The following MAST1 variants were observed in gnomAD, a reference collection of about 807,000 sequenced individuals.
MAST1 encodes the protein microtubule associated serine/threonine kinase 1, also known as microtubule-associated serine/threonine-protein kinase 1.
Under a neutral mutation model 124.6 loss-of-function variants are expected in MAST1, and 40 were observed. The ratio of observed to expected loss-of-function variants is 0.32; its 90% CI spans 0.25 to 0.42. The LOEUF is 0.42. Among genes scored for constraint, MAST1 ranks in the 10% least tolerant of loss-of-function variants. The pLI, the probability that MAST1 is intolerant of heterozygous loss-of-function variation, is 1.00. For synonymous variants in MAST1, 938 were observed against 939.4 expected (o/e 1.00, Z 0.03); for missense variants, 1,558 against 2,181.9 (o/e 0.71, Z 5.70).
At chr19:12,857,003 G>A (rs925482228) in intron 10 of MAST1, among the ~76,000 whole-genome samples, 1 of 152,128 alleles carries the variant, frequency 6.6e-6, no homozygotes, top group Non-Finnish European at 1.5e-5. Context: ...AGGTTTTGGA[G>A]TTTTTTCTCC....
Position 12,847,625 on chromosome 19 carries a change from CCCT to C in MAST1, c.509_511del (p.Ser170del). ...CTCTCCCCGCAGCCCCGGGCGCTCC[CCCT>C]CCTCCTACGACAACGAGATCGTGAT... On this transcript the variant is annotated inframe_deletion, in exon 6 of 26. Coordinates refer to ENST00000251472, the MANE Select transcript of MAST1 (RefSeq NM_014975.3). This position sits in a 1 kb window ranked among gnomAD's most constrained non-coding sequence, Gnocchi z 5.5. 1 of 1,614,166 alleles carries C rather than the reference CCCT, an allele frequency of 6.2e-7. No individual in the cohort carries two copies. The highest frequency in any genetic ancestry group is 8.5e-7 in the Non-Finnish European group (1 of 1,180,018).
chr19:12,874,896 G>T lies in MAST1; in HGVS notation c.*26G>T. 2 of 1,577,088 alleles carry T rather than the reference G, an allele frequency of 1.3e-6. No individual in the cohort carries two copies. The highest frequency in any genetic ancestry group is 2.3e-5 in the South Asian group (2 of 87,622). ...CCAAGGGGGTCATCGGCCCCGCGCT[G>T]TACAGCCTCCGTATACATATGTACA... On this transcript the variant is annotated 3_prime_UTR_variant, in exon 26 of 26. Coordinates refer to ENST00000251472, the MANE Select transcript of MAST1 (RefSeq NM_014975.3). This position sits in a 1 kb window ranked among gnomAD's most constrained non-coding sequence, Gnocchi z 6.6.
chr19:12,839,450 A>ATAT (rs1969800998), intron 1 of MAST1, among the ~76,000 whole-genome samples: 1 of 152,214 alleles, frequency 6.6e-6, no homozygotes, highest in Non-Finnish European at 1.5e-5. Flanking sequence ...GAATGTCACA[A>ATAT]CACACGATGT....
rs768196002 is a variant in MAST1, at chr19:12,865,345, C to G, written c.1668C>G (p.Pro556=). Residue 556 remains proline (P), a synonymous_variant, in exon 15 of 26, where the codon CCC becomes CCG. Coordinates refer to ENST00000251472, the MANE Select transcript of MAST1 (RefSeq NM_014975.3). The surrounding 1 kb of genome is among the most constrained non-coding windows in gnomAD (Gnocchi z 7.1). The part of the protein sequence containing the change: ...QVCGTPEYIA[P]EVILRQGYGK... Reference sequence around the variant, plus strand: ...GTGGGACCCCAGAGTACATCGCGCCCGAGGTCATCCTGCGTCAAGGCTACG... The same window carrying G: ...GTGGGACCCCAGAGTACATCGCGCCGGAGGTCATCCTGCGTCAAGGCTACG... 1.9e-6 allele frequency: 3 copies of G among 1,605,162 alleles called. No homozygotes were observed. The South Asian group carries it at 3.3e-5, about 18-fold the overall frequency.
At position 12,874,051 on chromosome 19, in the gene MAST1, C is replaced by T. The variant is rs765516069; in HGVS notation, c.3894C>T (p.Phe1298=). The part of the protein sequence containing the change: ...EVGHPDFRKD[F]HGELALHSLA... ...GCCACCCGGATTTCCGCAAGGACTT[C>T]CATGGCGAGCTGGCGCTGCATAGCC... is the stretch of plus-strand genomic sequence containing the variant. The change falls in exon 26 of 26, where the codon TTC becomes TTT. Residue 1298 remains phenylalanine, a synonymous_variant. Coordinates refer to ENST00000251472, the MANE Select transcript of MAST1 (RefSeq NM_014975.3). The surrounding 1 kb of genome is among the most constrained non-coding windows in gnomAD (Gnocchi z 6.6). 5.7e-5 allele frequency: 91 copies of T among 1,602,298 alleles called. No homozygotes were observed. The highest frequency in any genetic ancestry group is 7.2e-5 in the Non-Finnish European group (85 of 1,177,184).
In MAST1 at chr19:12,851,945, C is replaced by T; in HGVS notation, c.786C>T (p.Arg262=). Residue 262 remains arginine (R), a synonymous_variant, in exon 8 of 26, where the codon CGC becomes CGT. Coordinates refer to ENST00000251472, the MANE Select transcript of MAST1 (RefSeq NM_014975.3). ...LEKLLQDAYE[R]SESLEVAFVT... is the part of the protein sequence containing the mutation. ...GTCCCCTGCCACAGGCCTATGAACG[C>T]TCTGAGAGCTTGGAGGTGGCCTTCG... is the stretch of plus-strand genomic sequence containing the variant. 1 of 1,613,892 alleles carries T rather than the reference C, an allele frequency of 6.2e-7. No homozygotes were observed. The highest frequency in any genetic ancestry group is 8.5e-7 in the Non-Finnish European group (1 of 1,179,906).
intron 12 of MAST1, 33 bp downstream of exon 12, chr19:12,858,772 G>C: frequency 6.2e-7 from 1 of 1,610,898 alleles, no homozygotes; most frequent in South Asian, 1.1e-5. Context: ...AGGGAAGATG[G>C]GGCCGTGCTC....
In MAST1 at chr19:12,865,985, G is replaced by A. The variant is rs1448895866; in HGVS notation, c.1912G>A (p.Ala638Thr). ...TGGAATCCCTTCCGTCCCAGGCGGC[G>A]CTTTTGAGGTGAAGCAGCACAGTTT... ...NPLVRLGAGG[A>T]FEVKQHSFFR... is the part of the protein sequence containing the mutation. The change falls in exon 17 of 26, where the codon GCT (alanine) becomes ACT (threonine). Residue 638 changes from alanine to threonine, a missense_variant. Ala to Thr is a moderately conservative substitution (Grantham distance 58). Transcript: ENST00000251472. The surrounding 1 kb of genome is among the most constrained non-coding windows in gnomAD (Gnocchi z 7.1). The A allele has an allele frequency of 1.9e-6, 3 of 1,613,936 alleles. No individual in the cohort carries two copies. The highest frequency in any genetic ancestry group is 2.5e-6 in the Non-Finnish European group (3 of 1,180,020).
chr19:12,853,543 G>A (rs1969987427), intron 10 of MAST1, among the ~76,000 whole-genome samples: 1 of 151,584 alleles, frequency 6.6e-6, no homozygotes, highest in Non-Finnish European at 1.5e-5. Context: ...GCAACAGGGT[G>A]AGACCCTGTC....
rs1969858107 is a variant in MAST1, at chr19:12,843,656, G to T, written c.327+49G>T. On this transcript the variant is annotated intron_variant, in intron 4 of 25. Transcript: ENST00000251472. The surrounding 1 kb of genome is among the most constrained non-coding windows in gnomAD (Gnocchi z 4.9). ...GGGCCGGTGGGTAAGGAATTCAGGG[G>T]CCCTCCAGCCTGAAGACCCACACCC... 2 of 1,552,236 alleles carry T rather than the reference G, an allele frequency of 1.3e-6. No individual in the cohort carries two copies. The highest frequency in any genetic ancestry group is 1.4e-5 in the African/African-American group (1 of 73,500).
intron 10 of MAST1, among the ~76,000 whole-genome samples, chr19:12,853,516 A>G (rs748997090): frequency 6.6e-6 from 1 of 151,942 alleles, no homozygotes; most frequent in Non-Finnish European, 1.5e-5. Flanking sequence ...TGATCACACC[A>G]CTGCACTCCA....
In MAST1 at chr19:12,865,431, T is replaced by C. The variant is rs1010198782; in HGVS notation, c.1754T>C (p.Val585Ala). ...CTCTACGAGTTCCTGGTGGGCTGTG[T>C]GCCCTTCTTCGGAGACACACCAGAG... Reference protein sequence around the residue: ...IILYEFLVGCVPFFGDTPEEL... With the variant: ...IILYEFLVGCAPFFGDTPEEL... Residue 585 changes from valine (V) to alanine (A), a missense_variant, in exon 15 of 26, where the codon GTG becomes GCG. By Grantham distance (64) the Val-to-Ala change is moderately conservative. Transcript: ENST00000251472. The surrounding 1 kb of genome is among the most constrained non-coding windows in gnomAD (Gnocchi z 7.1). 1.2e-6 allele frequency: 2 copies of C among 1,608,080 alleles called. No individual in the cohort carries two copies. Among genetic ancestry groups the C allele is most frequent in the African/African-American group, 2.7e-5 (2 of 74,660 alleles).
rs947302882 is a variant in MAST1, at chr19:12,841,727, C to T, written c.248+661C>T. ...CTGGGCGTATGGGGTCAATGACGTC[C>T]TGTCTCTACCCTCTGAGTCGAATAG... On this transcript the variant is annotated intron_variant, in intron 3 of 25. Coordinates refer to ENST00000251472, the MANE Select transcript of MAST1 (RefSeq NM_014975.3). This position sits in a 1 kb window ranked among gnomAD's most constrained non-coding sequence, Gnocchi z 4.3. 6.6e-6 allele frequency among the ~76,000 whole-genome samples: 1 copy of T among 152,204 alleles called. No homozygotes were observed. Among genetic ancestry groups the T allele is most frequent in the Non-Finnish European group, 1.5e-5 (1 of 68,042 alleles).
intron 7 of MAST1, among the ~76,000 whole-genome samples, chr19:12,851,730 C>T (rs1234603716): frequency 1.3e-5 from 2 of 152,232 alleles, no homozygotes; most frequent in African/African-American, 4.8e-5. Flanking sequence ...AAGTGATCCA[C>T]CCACCTCAGC....
Position 12,873,320 on chromosome 19 carries a change from G to A in MAST1, c.3264-4G>A, listed in dbSNP as rs765092789. The stretch of plus-strand genomic sequence containing the variant: ...GGACGCTTGGCCCCCTCCCTGTCCC[G>A]CAGCAAGAAGCGCAGCTCCCTCTTC... On this transcript the variant is annotated splice_polypyrimidine_tract_variant and splice_region_variant and intron_variant, in intron 24 of 25. Transcript: ENST00000251472. 1.9e-6 allele frequency: 3 copies of A among 1,611,078 alleles called. No homozygotes were observed. The highest frequency in any genetic ancestry group is 1.6e-4 in the Middle Eastern group (1 of 6,070).
rs1032707934 is a variant in MAST1, at chr19:12,865,291, G to A, written c.1639-25G>A. On this transcript the variant is annotated intron_variant, in intron 14 of 25. Transcript: ENST00000251472. This position sits in a 1 kb window ranked among gnomAD's most constrained non-coding sequence, Gnocchi z 7.1. ...CCTTGAGGGCCCTCCTCTGGCTGGG[G>A]CGTGGGCTGACAGCCTGCCCCCAGG... 1.9e-6 allele frequency: 3 copies of A among 1,579,882 alleles called. No homozygotes were observed. The highest frequency in any genetic ancestry group is 2.6e-6 in the Non-Finnish European group (3 of 1,162,786).
At chr19:12,867,241 AGCAGATTGGTCAGGGCATCGTCGGG>A (rs1360299046) in intron 18 of MAST1, among the ~76,000 whole-genome samples, 1 of 152,006 alleles carries the variant, frequency 6.6e-6, no homozygotes, top group East Asian at 1.9e-4. Context: ...CTGTGTAGAG[AGCAGATTGGTCAGGGCATCGTCGGG>A]GCAGAGCCTA....
chr19:12,873,574 C>T (rs1970268630), intron 25 of MAST1, 35 bp from the exon 26 acceptor site: 2 of 1,579,008 alleles, frequency 1.3e-6, no homozygotes, highest in African/African-American at 1.3e-5. Flanking sequence ...GGTGCTTGGG[C>T]TGTACTCACT....
chr19:12,865,200 T>C lies in MAST1; in HGVS notation c.1638+22T>C. On this transcript the variant is annotated intron_variant, in intron 14 of 25. Transcript: ENST00000251472. The surrounding 1 kb of genome is among the most constrained non-coding windows in gnomAD (Gnocchi z 7.1). ...ACAGGTGTGTGTGCGGGCATGGGGGTCGCTGAGGGTGGAGTGACCCTGCAG... is the reference window on the plus strand; with the variant it reads ...ACAGGTGTGTGTGCGGGCATGGGGGCCGCTGAGGGTGGAGTGACCCTGCAG... 1 of 1,609,458 alleles carries C rather than the reference T, an allele frequency of 6.2e-7. No homozygotes were observed. Among genetic ancestry groups the C allele is most frequent in the Non-Finnish European group, 8.5e-7 (1 of 1,177,776 alleles).
Sources: gnomAD v4.1 joint callset for allele counts (sites outside exome capture counted in the v4.1 genomes callset) on GRCh38, gnomAD v4.1.1 for gene constraint, Gnocchi (gnomAD v3.1) non-coding constraint, MANE v1.5 for transcripts, NCBI Gene and HGNC (gene_info 2026-07-23, HGNC 2026-07-21) for gene names.